Variants in ZFYVE28 observed in about 807,000 individuals in gnomAD.
ZFYVE28 encodes lateral signaling target protein 2 homolog.
A neutral mutation model predicts 82.1 loss-of-function variants in ZFYVE28; 40 were observed. The observed-to-expected ratio is 0.49, with a 90% CI of 0.38 to 0.63. The LOEUF (loss-of-function observed/expected upper bound fraction) is 0.63. ZFYVE28 is among the 30% of genes least tolerant of loss of function. The pLI is 0.00. For synonymous variants in ZFYVE28, 612 were observed against 546.1 expected (o/e 1.12, Z -1.68); for missense variants, 1,321 against 1,242.1 (o/e 1.06, Z -0.96).
chr4:2,399,032 G>GGGTGAGATCCAGGGGACAAGCGTGGA (rs1730832411), intron 1 of ZFYVE28, among the ~76,000 whole-genome samples: 2 of 50,342 alleles, frequency 4.0e-5, no homozygotes, highest in East Asian at 9.4e-4. Flanking sequence ...GCACAAGGTG[G>GGGTGAGATCCAGGGGACAAGCGTGGA]GGTGAGATCC....
At chr4:2,342,803 G>T (rs1723011170) in intron 2 of ZFYVE28, 1 of 152,136 alleles carries the variant, frequency 6.6e-6, no homozygotes, top group African/African-American at 2.4e-5. Flanking sequence ...TGTTAAATAT[G>T]AAATCAATAC....
At chr4:2,321,405 AAAG>A (rs1221832362) in intron 6 of ZFYVE28, among the ~76,000 whole-genome samples, 2 of 152,228 alleles carry the variant, frequency 1.3e-5, no homozygotes, top group East Asian at 1.9e-4. Flanking sequence ...TCATGTGCAA[AAAG>A]AAGATTTGAA....
At chr4:2,275,487 T>A (rs1024708322) in intron 8 of ZFYVE28, among the ~76,000 whole-genome samples, 1 of 152,274 alleles carries the variant, frequency 6.6e-6, no homozygotes, top group African/African-American at 2.4e-5. Flanking sequence ...GTTTCATGGA[T>A]GCAAAATCTT....
chr4:2,405,472 C>T lies in ZFYVE28; in HGVS notation c.39+12813G>A, dbSNP rs1016631816. ...ATGGTCGACTGATGGGTGCGCTGAG[C>T]AGACTTACAGTTTCCCATCATTCCC... On this transcript the variant is annotated intron_variant, in intron 1 of 12. Transcript: ENST00000290974. 1.1e-4 allele frequency among the ~76,000 whole-genome samples: 16 copies of T among 152,256 alleles called. 1 individual carries two copies. Among genetic ancestry groups the T allele is most frequent in the African/African-American group, 3.1e-4 (13 of 41,472 alleles).
intron 1 of ZFYVE28, among the ~76,000 whole-genome samples, chr4:2,385,229 A>T (rs974888833): frequency 6.6e-6 from 1 of 152,202 alleles, no homozygotes; most frequent in African/African-American, 2.4e-5. Flanking sequence ...TGGGCCATGG[A>T]GGAGCACAGT....
At chr4:2,364,612 C>T (rs1224507213) in intron 1 of ZFYVE28, 1 of 985,410 alleles carries the variant, frequency 1.0e-6, no homozygotes, top group African/African-American at 1.7e-5. Context: ...GGTTCTTGGC[C>T]GCCTGTCCCC....
chr4:2,277,514 A>T (rs1274468005), intron 8 of ZFYVE28, among the ~76,000 whole-genome samples: 1 of 152,172 alleles, frequency 6.6e-6, no homozygotes, highest in Non-Finnish European at 1.5e-5. Context: ...AAAATTAAAA[A>T]AAAGATCATT....
At chr4:2,353,374 A>G (rs949007721) in intron 2 of ZFYVE28, among the ~76,000 whole-genome samples, 1 of 152,234 alleles carries the variant, frequency 6.6e-6, no homozygotes, top group Admixed American at 6.5e-5. Flanking sequence ...GGAAGAGTAC[A>G]CCAAGAACAT....
intron 1 of ZFYVE28, among the ~76,000 whole-genome samples, chr4:2,388,628 G>C (rs1411982518): frequency 6.6e-6 from 1 of 152,188 alleles, no homozygotes; most frequent in African/African-American, 2.4e-5. Flanking sequence ...GAGCTTAGGA[G>C]AACATAAGGA....
At chr4:2,400,559 A>AT (rs1196939239) in intron 1 of ZFYVE28, among the ~76,000 whole-genome samples, 1 of 152,134 alleles carries the variant, frequency 6.6e-6, no homozygotes, top group African/African-American at 2.4e-5. Flanking sequence ...AATAGGATAC[A>AT]TATATATAAA....
At chr4:2,292,498 C>T (rs1713883838) in intron 8 of ZFYVE28, among the ~76,000 whole-genome samples, 2 of 152,138 alleles carry the variant, frequency 1.3e-5, no homozygotes, top group Admixed American at 1.3e-4. Context: ...TGGCGAGGGC[C>T]AGATCAGGTC....
At chr4:2,405,017 C>T (rs751274696) in intron 1 of ZFYVE28, among the ~76,000 whole-genome samples, 3 of 152,118 alleles carry the variant, frequency 2.0e-5, no homozygotes, top group Admixed American at 6.5e-5. Context: ...TAGGCGTAGG[C>T]CACCATGCCC....
At chr4:2,272,123 C>T (rs1371150757) in intron 10 of ZFYVE28, among the ~76,000 whole-genome samples, 1 of 152,240 alleles carries the variant, frequency 6.6e-6, no homozygotes, top group Non-Finnish European at 1.5e-5. Context: ...CACCTGCCGT[C>T]TCTGAATCAT....
chr4:2,366,565 C>T (rs1000097573), intron 1 of ZFYVE28, among the ~76,000 whole-genome samples: 3 of 152,242 alleles, frequency 2.0e-5, no homozygotes, highest in African/African-American at 7.2e-5. Flanking sequence ...GGCAGCCTTC[C>T]CCACAGCCAT....
At chr4:2,397,045 T>C (rs539108424) in intron 1 of ZFYVE28, among the ~76,000 whole-genome samples, 143 of 152,318 alleles carry the variant, frequency 9.4e-4, no homozygotes, top group African/African-American at 3.2e-3. Context: ...CGGCCGGGGA[T>C]CAGGGAGGCA....
At chr4:2,277,711 T>G (rs75575339) in intron 8 of ZFYVE28, among the ~76,000 whole-genome samples, 9,423 of 152,102 alleles carry the variant, frequency 0.062, 877 homozygotes, top group African/African-American at 0.2. Flanking sequence ...TGGGAAGACA[T>G]CTCGTGTTCA....
At chr4:2,330,608 G>A in intron 6 of ZFYVE28, 1 of 1,312,126 alleles carries the variant, frequency 7.6e-7, no homozygotes, top group Non-Finnish European at 9.8e-7. Flanking sequence ...GGAGGGAACA[G>A]CATAGACAAG....
At chr4:2,413,571 T>C (rs552645012) in intron 1 of ZFYVE28, among the ~76,000 whole-genome samples, 2 of 152,290 alleles carry the variant, frequency 1.3e-5, no homozygotes, top group African/African-American at 4.8e-5. Context: ...GCTCAGCCTG[T>C]GCAGCATCCG....
intron 8 of ZFYVE28, among the ~76,000 whole-genome samples, chr4:2,296,206 G>A (rs1714546183): frequency 6.6e-6 from 1 of 152,194 alleles, no homozygotes; most frequent in South Asian, 2.1e-4. Flanking sequence ...CTCCTCCCAG[G>A]ACTTTGCTGG....
Sources: gnomAD v4.1 joint callset for allele counts (sites outside exome capture counted in the v4.1 genomes callset) on GRCh38, gnomAD v4.1.1 for gene constraint, MANE v1.5 for transcripts, NCBI Gene and HGNC (gene_info 2026-07-23, HGNC 2026-07-21) for gene names.